The following B3GALT1 variants were observed in gnomAD, a reference collection of about 807,000 sequenced individuals.
B3GALT1 encodes the protein beta-1,3-galactosyltransferase 1, also known as UDP-Gal:betaGlcNAc beta 1,3-galactosyltransferase, polypeptide 1.
Under a neutral mutation model 23.2 loss-of-function variants are expected in B3GALT1, and 10 were observed. The observed-to-expected ratio is 0.43, with a 90% confidence interval of 0.27 to 0.73. B3GALT1 has a LOEUF of 0.73. Ranked by LOEUF, B3GALT1 falls within the 30% of genes least tolerant of loss-of-function variation. The probability of loss-of-function intolerance (pLI) is 0.21; values close to 1 mark genes in which losing one functional copy is unlikely to be tolerated. For missense variants in B3GALT1, 299 were observed against 405.4 expected, an observed-to-expected ratio of 0.74 and a Z score of 2.25; for synonymous variants, 156 against 141.5, an observed-to-expected ratio of 1.10 and a Z score of -0.73.
At chr2:167,805,082 G>A (rs1284283081) in intron 3 of B3GALT1, among the ~76,000 whole-genome samples, 1 of 152,208 alleles carries the variant, frequency 6.6e-6, no homozygotes, top group African/African-American at 2.4e-5. Context: ...GGCCAGTGAT[G>A]ATGAGCATTT....
intron 1 of B3GALT1, among the ~76,000 whole-genome samples, chr2:167,477,336 C>G (rs925953784): frequency 2.0e-5 from 3 of 152,156 alleles, no homozygotes; most frequent in African/African-American, 7.2e-5. Flanking sequence ...CATTATGCCA[C>G]ACCCTGTGCC....
At chr2:167,843,210 T>G (rs1689684750) in intron 4 of B3GALT1, among the ~76,000 whole-genome samples, 1 of 152,226 alleles carries the variant, frequency 6.6e-6, no homozygotes, top group South Asian at 2.1e-4. Context: ...ATTTGACACT[T>G]AGAGAAAGCT....
chr2:167,756,176 C>A (rs2105292290), intron 3 of B3GALT1, among the ~76,000 whole-genome samples: 1 of 152,202 alleles, frequency 6.6e-6, no homozygotes, highest in East Asian at 1.9e-4. Flanking sequence ...CCACCCCGCC[C>A]CCCAGGATGC....
At chr2:167,380,059 C>T (rs1444534064) in intron 1 of B3GALT1, among the ~76,000 whole-genome samples, 2 of 152,170 alleles carry the variant, frequency 1.3e-5, no homozygotes, top group Non-Finnish European at 2.9e-5. Flanking sequence ...GCGGGTCACA[C>T]TGCAGCATGA....
At chr2:167,862,504 G>A (rs765890379) in intron 4 of B3GALT1, among the ~76,000 whole-genome samples, 2 of 152,292 alleles carry the variant, frequency 1.3e-5, no homozygotes, top group Admixed American at 1.3e-4. Flanking sequence ...TCAGCCTACC[G>A]ATTCAAATGC....
intron 3 of B3GALT1, among the ~76,000 whole-genome samples, chr2:167,701,519 G>A (rs1686882075): frequency 6.6e-6 from 1 of 152,176 alleles, no homozygotes; most frequent in Non-Finnish European, 1.5e-5. Flanking sequence ...CATCAGCAGA[G>A]TAATGAAGGC....
intron 3 of B3GALT1, among the ~76,000 whole-genome samples, chr2:167,753,273 A>G (rs1687766856): frequency 6.6e-6 from 1 of 152,236 alleles, no homozygotes; most frequent in East Asian, 1.9e-4. Context: ...CAATACCCAG[A>G]GCCATGCCCC....
chr2:167,562,824 A>G (rs1366388094), intron 2 of B3GALT1, among the ~76,000 whole-genome samples: 1 of 151,864 alleles, frequency 6.6e-6, no homozygotes, highest in African/African-American at 2.4e-5. Flanking sequence ...GTCCCTGGGT[A>G]CTTGAGATTA....
intron 4 of B3GALT1, among the ~76,000 whole-genome samples, chr2:167,819,946 G>A (rs1456727920): frequency 6.6e-6 from 1 of 152,176 alleles, no homozygotes; most frequent in Non-Finnish European, 1.5e-5. Flanking sequence ...GTTTGTTTCA[G>A]CCCCTGACAG....
chr2:167,301,118 A>G (rs1437397296), intron 1 of B3GALT1, among the ~76,000 whole-genome samples: 1 of 152,174 alleles, frequency 6.6e-6, no homozygotes, highest in Non-Finnish European at 1.5e-5. Context: ...TATCCTATCT[A>G]AAGGTTGATC....
chr2:167,424,254 C>T (rs1004055624), intron 1 of B3GALT1, among the ~76,000 whole-genome samples: 8 of 152,092 alleles, frequency 5.3e-5, no homozygotes, highest in Admixed American at 2.0e-4. Context: ...ACAATGTCTT[C>T]CTAAGAAAAG....
Position 167,612,835 on chromosome 2 carries a change from A to T in B3GALT1, c.-409-34074A>T, listed in dbSNP as rs559532387. On this transcript the variant is annotated intron_variant, in intron 2 of 4. Coordinates refer to ENST00000392690, the MANE Select transcript of B3GALT1 (RefSeq NM_020981.4). ...CTTGAGCAATTCTAAACCTTTCTGC[A>T]CTTTCTACAACAGCTTCTATTTTGG... Among the ~76,000 whole-genome samples, 19 of 152,124 alleles carry T rather than the reference A, an allele frequency of 1.2e-4. No individual in the cohort carries two copies. The South Asian group carries it at 1.7e-3, about 13-fold the overall frequency.
intron 2 of B3GALT1, among the ~76,000 whole-genome samples, chr2:167,576,864 A>C (rs1180771800): frequency 6.6e-6 from 1 of 151,598 alleles, no homozygotes; most frequent in Non-Finnish European, 1.5e-5. Flanking sequence ...TCTTCTTGCC[A>C]CCCTTGTGTG....
intron 1 of B3GALT1, among the ~76,000 whole-genome samples, chr2:167,316,670 C>G (rs952453014): frequency 1.3e-5 from 2 of 152,096 alleles, no homozygotes; most frequent in African/African-American, 4.8e-5. Context: ...TGAGATAAGT[C>G]TGAGGCATGT....
At chr2:167,649,327 A>T (rs541302122) in intron 3 of B3GALT1, among the ~76,000 whole-genome samples, 17 of 152,260 alleles carry the variant, frequency 1.1e-4, no homozygotes, top group African/African-American at 3.8e-4. Flanking sequence ...ACATAAAATT[A>T]ACCATTTTAA....
intron 3 of B3GALT1, among the ~76,000 whole-genome samples, chr2:167,809,695 C>T (rs1416391319): frequency 6.6e-6 from 1 of 152,192 alleles, no homozygotes; most frequent in African/African-American, 2.4e-5. Context: ...TCTGCCCCTA[C>T]TGGGGGGTGC....
At chr2:167,326,764 A>G (rs1696902657) in intron 1 of B3GALT1, among the ~76,000 whole-genome samples, 1 of 152,036 alleles carries the variant, frequency 6.6e-6, no homozygotes, top group Non-Finnish European at 1.5e-5. Flanking sequence ...ATCTGGGCTC[A>G]CTGCAACCTC....
chr2:167,492,134 C>G (rs549448530), intron 2 of B3GALT1, among the ~76,000 whole-genome samples: 1 of 152,164 alleles, frequency 6.6e-6, no homozygotes, highest in Non-Finnish European at 1.5e-5. Context: ...CCTCTGATTC[C>G]CTCTTCTCTC....
At chr2:167,428,526 A>C (rs1001882972) in intron 1 of B3GALT1, among the ~76,000 whole-genome samples, 1 of 152,106 alleles carries the variant, frequency 6.6e-6, no homozygotes, top group Non-Finnish European at 1.5e-5. Flanking sequence ...AATACAAAAA[A>C]AATTAGCCAG....
Sources: gnomAD v4.1 joint callset for allele counts (sites outside exome capture counted in the v4.1 genomes callset) on GRCh38, gnomAD v4.1.1 for gene constraint, MANE v1.5 for transcripts, NCBI Gene and HGNC (gene_info 2026-07-23, HGNC 2026-07-21) for gene names.